The following PDE8B variants were observed in gnomAD, a reference collection of about 807,000 sequenced individuals.
PDE8B encodes the protein phosphodiesterase 8B.
Under a neutral mutation model 101.3 loss-of-function variants are expected in PDE8B, and 26 were observed. The ratio of observed to expected loss-of-function variants is 0.26; its 90% confidence interval spans 0.19 to 0.36. PDE8B has a LOEUF of 0.36. Ranked by LOEUF, PDE8B falls within the 10% of genes least tolerant of loss-of-function variation. PDE8B has a pLI of 1.00. For missense variants in PDE8B, 810 were observed against 1,163.1 expected, an observed-to-expected ratio of 0.70 and a Z score of 4.42; for synonymous variants, 424 against 429.3, an observed-to-expected ratio of 0.99 and a Z score of 0.15.
At chr5:77,281,441 C>A (rs888775044) in intron 1 of PDE8B, among the ~76,000 whole-genome samples, 9 of 152,154 alleles carry the variant, frequency 5.9e-5, no homozygotes, top group Admixed American at 5.9e-4. Context: ...GGGATAAAAC[C>A]AAGGTGTTGG....
intron 20 of PDE8B, among the ~76,000 whole-genome samples, chr5:77,425,001 T>A (rs1797703673): frequency 1.3e-5 from 2 of 152,156 alleles, no homozygotes; most frequent in African/African-American, 4.8e-5. Context: ...GAAACTTTTT[T>A]TAAGTGCAAA....
intron 1 of PDE8B, among the ~76,000 whole-genome samples, chr5:77,219,058 C>T (rs1157207347): frequency 6.6e-6 from 1 of 152,108 alleles, no homozygotes; most frequent in East Asian, 1.9e-4. Context: ...AGTCCAAGGC[C>T]CAAGCTGGGG....
In PDE8B at chr5:77,294,924, A is replaced by G. The variant is rs1322352846; in HGVS notation, c.340-17070A>G. The stretch of plus-strand genomic sequence containing the variant: ...GTCCACATATATAATACATATACAT[A>G]TATAACTCCTCTATATAATAGGAGC... On this transcript the variant is annotated intron_variant, in intron 1 of 21. Coordinates refer to ENST00000264917, the MANE Select transcript of PDE8B (RefSeq NM_003719.5). Among the ~76,000 whole-genome samples, 15 of 150,038 alleles carry G rather than the reference A, an allele frequency of 1.0e-4. No homozygotes were observed. The East Asian group carries it at 2.9e-3, about 29-fold the overall frequency.
At chr5:77,180,365 G>A in the PDE8B span, 13 of 827,944 alleles carry the variant, frequency 1.6e-5, no homozygotes, top group African/African-American at 1.8e-5. Context: ...TGGGGTGCAG[G>A]GTGCGCCAGG....
chr5:77,329,008 G>T lies in PDE8B; in HGVS notation c.601G>T (p.Ala201Ser). 1.9e-6 allele frequency: 3 copies of T among 1,613,994 alleles called. No individual in the cohort carries two copies. Among genetic ancestry groups the T allele is most frequent in the Non-Finnish European group, 2.5e-6 (3 of 1,179,892 alleles). ...DAEAVCRSIR[A>S]TNPSEHTVIL... is the part of the protein sequence containing the mutation. ...GCCTTCTCATTGCAGGTCGATCCGG[G>T]CCACAAATCCCTCCGAGCACACGGT... The change falls in exon 4 of 22, where the codon GCC becomes TCC. Residue 201 changes from alanine to serine, a missense_variant. Physicochemically the swap from Ala to Ser is moderately conservative, Grantham distance 99 (BLOSUM62 1). This residue lies in a region of PDE8B where 251 missense variants were observed against 378.8 expected (regional missense o/e 0.66). Transcript: ENST00000264917.
the PDE8B span, chr5:77,113,012 A>G: frequency 2.0e-5 from 3 of 152,244 alleles, no homozygotes; most frequent in African/African-American, 7.2e-5. Context: ...CAATGAAATA[A>G]AAGAGGACAC....
intron 13 of PDE8B, 40 bp downstream of exon 13, chr5:77,407,497 C>T (rs190220022): frequency 4.9e-6 from 7 of 1,421,120 alleles, no homozygotes; most frequent in Non-Finnish European, 6.0e-6. Flanking sequence ...AGTCAGGGGC[C>T]CTCACACAGG....
Position 77,211,062 on chromosome 5 carries a change from A to G in PDE8B, c.137A>G (p.Gln46Arg). 1 of 1,521,648 alleles carries G rather than the reference A, an allele frequency of 6.6e-7. No individual in the cohort carries two copies. 94.3% of individuals were successfully genotyped at this position (1,521,648 alleles called of 1,614,324 possible). Reference protein sequence around the residue: ...PAAPLPGLFVQTDAADAIPPS... With the variant: ...PAAPLPGLFVRTDAADAIPPS... Reference sequence around the variant, plus strand: ...GCACCCCTGCCCGGCCTCTTCGTCCAGACCGACGCCGCCGACGCCATCCCC... The same window carrying G: ...GCACCCCTGCCCGGCCTCTTCGTCCGGACCGACGCCGCCGACGCCATCCCC... The change falls in exon 1 of 22, where the codon CAG becomes CGG. Residue 46 changes from glutamine to arginine, a missense_variant. Coordinates refer to ENST00000264917, the MANE Select transcript of PDE8B (RefSeq NM_003719.5). The surrounding 1 kb of genome is among the most constrained non-coding windows in gnomAD (Gnocchi z 4.1).
intron 7 of PDE8B, among the ~76,000 whole-genome samples, chr5:77,348,397 C>T (rs1460689451): frequency 6.6e-6 from 1 of 152,146 alleles, no homozygotes; most frequent in Non-Finnish European, 1.5e-5. Context: ...GGTCATGGCT[C>T]TAAATTCCAG....
the PDE8B span, among the ~76,000 whole-genome samples, chr5:77,123,078 T>C: frequency 6.6e-6 from 1 of 152,186 alleles, no homozygotes; most frequent in Admixed American, 6.5e-5. Context: ...TTTTCTGTTG[T>C]TATAACCAAA....
At chr5:77,195,720 A>T in the PDE8B span, among the ~76,000 whole-genome samples, 1 of 152,216 alleles carries the variant, frequency 6.6e-6, no homozygotes, top group African/African-American at 2.4e-5. Flanking sequence ...ATTATATACT[A>T]TAGTCTTATG....
At chr5:77,371,733 T>C (rs1162832468) in intron 10 of PDE8B, among the ~76,000 whole-genome samples, 1 of 152,230 alleles carries the variant, frequency 6.6e-6, no homozygotes, top group Non-Finnish European at 1.5e-5. Flanking sequence ...TAGTTTTATG[T>C]TTGTTTGGAT....
chr5:77,264,122 C>T (rs1195070550), intron 1 of PDE8B, among the ~76,000 whole-genome samples: 1 of 152,162 alleles, frequency 6.6e-6, no homozygotes, highest in African/African-American at 2.4e-5. Context: ...AGTAATTCAT[C>T]CTTCTTATTT....
At chr5:77,355,778 T>A (rs1781999554) in intron 10 of PDE8B, among the ~76,000 whole-genome samples, 1 of 152,150 alleles carries the variant, frequency 6.6e-6, no homozygotes, top group Non-Finnish European at 1.5e-5. Flanking sequence ...ACAGAATAAA[T>A]AGAATGCAGC....
At chr5:77,309,388 C>T (rs952054013) in intron 1 of PDE8B, among the ~76,000 whole-genome samples, 2 of 152,034 alleles carry the variant, frequency 1.3e-5, no homozygotes, top group Admixed American at 6.6e-5. Flanking sequence ...CCTTCCAATG[C>T]GAGTCACTTT....
intron 10 of PDE8B, among the ~76,000 whole-genome samples, chr5:77,395,890 A>G (rs1057453940): frequency 6.6e-6 from 1 of 152,200 alleles, no homozygotes; most frequent in Non-Finnish European, 1.5e-5. Flanking sequence ...TGCTCCACGT[A>G]GCATTGGGGC....
chr5:77,420,522 C>G (rs1796421704), intron 19 of PDE8B, among the ~76,000 whole-genome samples: 1 of 152,036 alleles, frequency 6.6e-6, no homozygotes, highest in Non-Finnish European at 1.5e-5. Flanking sequence ...AAGCTTTCCG[C>G]TCATTCCTGT....
intron 1 of PDE8B, among the ~76,000 whole-genome samples, chr5:77,256,732 A>G (rs1376079320): frequency 6.6e-6 from 1 of 152,232 alleles, no homozygotes; most frequent in African/African-American, 2.4e-5. Context: ...ATAATGAGGT[A>G]CTGCAAAGTT....
chr5:77,404,875 C>A, intron 12 of PDE8B, 78 bp downstream of exon 12: 1 of 884,192 alleles, frequency 1.1e-6, no homozygotes, highest in Non-Finnish European at 1.9e-6. Context: ...AATTCATCAG[C>A]GTATAAACTC....
Sources: allele counts gnomAD v4.1 joint callset (sites outside exome capture counted in the v4.1 genomes callset), GRCh38; gene constraint gnomAD v4.1.1; regional missense constraint gnomAD v4.1.1; non-coding constraint Gnocchi (gnomAD v3.1); transcripts MANE v1.5; gene names NCBI Gene and HGNC (gene_info 2026-07-23, HGNC 2026-07-21).